Variants in NAPA observed in about 807,000 individuals in gnomAD.
NAPA encodes the protein NSF attachment protein alpha, also known as alpha-soluble NSF attachment protein.
In NAPA, 18 loss-of-function variants were observed where a neutral mutation model predicts 48.0. The observed-to-expected ratio is 0.38, with a 90% CI of 0.26 to 0.56. The LOEUF is 0.56. NAPA is among the 20% of genes least tolerant of loss of function. The pLI, the probability that NAPA is intolerant of heterozygous loss-of-function variation, is 0.77. For synonymous variants in NAPA, 152 were observed against 149.9 expected (o/e 1.01, Z -0.10); for missense variants, 315 against 385.0 (o/e 0.82, Z 1.52).
In NAPA at chr19:47,493,247, C is replaced by A; in HGVS notation, c.421-73G>T. ...AGGAGGCCTCCGTGAAGCTTCCACA[C>A]CCTCCGCCCTGCCTGCCTGGGACAC... On this transcript the variant is annotated intron_variant, in intron 5 of 10. Coordinates refer to ENST00000263354, the MANE Select transcript of NAPA (RefSeq NM_003827.4). The surrounding 1 kb of genome is among the most constrained non-coding windows in gnomAD (Gnocchi z 6.4). The A allele has an allele frequency of 2.6e-6, 4 of 1,516,104 alleles. No homozygotes were observed. In the Middle Eastern group the frequency reaches 5.5e-4, roughly 207 times the overall value. The allele number at this position is 1,516,104 out of a possible 1,614,324, so 93.9% of individuals were successfully genotyped here. A position where few individuals can be genotyped will look rare whatever the true frequency, so the allele number is the denominator to read the frequency against.
rs1312627060 is a variant in NAPA, at chr19:47,493,813, C to T, written c.343-320G>A. On this transcript the variant is annotated intron_variant, in intron 4 of 10. Transcript: ENST00000263354. This position sits in a 1 kb window ranked among gnomAD's most constrained non-coding sequence, Gnocchi z 6.4. Reference sequence around the variant, plus strand: ...AGAGAATGTGAGCACGAGCACTTGGCCAAGGCCCTGGCCCTTAGGAAGCCT... The same window carrying T: ...AGAGAATGTGAGCACGAGCACTTGGTCAAGGCCCTGGCCCTTAGGAAGCCT... 6.6e-6 allele frequency among the ~76,000 whole-genome samples: 1 copy of T among 152,196 alleles called. No homozygotes were observed. The highest frequency in any genetic ancestry group is 6.5e-5 in the Admixed American group (1 of 15,290).
Position 47,488,397 on chromosome 19 carries a change from C to G in NAPA, c.787-8G>C. 6.3e-7 allele frequency: 1 copy of G among 1,598,372 alleles called. No individual in the cohort carries two copies. Among genetic ancestry groups the G allele is most frequent in the Non-Finnish European group, 8.6e-7 (1 of 1,166,372 alleles). On this transcript the variant is annotated splice_region_variant and splice_polypyrimidine_tract_variant and intron_variant, in intron 10 of 10. Coordinates refer to ENST00000263354, the MANE Select transcript of NAPA (RefSeq NM_003827.4). ...GGAGTCGTATTCCTTCACCTGAGGGCACACCAGGTGATAGGCTGGCCATGC... is the reference window on the plus strand; with the variant it reads ...GGAGTCGTATTCCTTCACCTGAGGGGACACCAGGTGATAGGCTGGCCATGC...
chr19:47,484,854 C>T (rs999120232), downstream of NAPA, among the ~76,000 whole-genome samples: 3 of 151,972 alleles, frequency 2.0e-5, no homozygotes, highest in Admixed American at 6.6e-5. Context: ...CAGGCGCCAC[C>T]ACACCTGGCT....
chr19:47,500,719 TGTGCAGCCTGGCA>T lies in NAPA; in HGVS notation c.196_208del (p.Cys66SerfsTer35). On this transcript the variant is annotated frameshift_variant, in exon 3 of 11. Coordinates refer to ENST00000263354, the MANE Select transcript of NAPA (RefSeq NM_003827.4). LOFTEE classifies it high-confidence loss of function. ...CTTGCTCTGGAGCTGCAGGTGCAGC[TGTGCAGCCTGGCA>T]GAACGCGTTTCCAGCAGCTGGAACA... The T allele has an allele frequency of 6.2e-7, 1 of 1,609,416 alleles. No homozygotes were observed. Among genetic ancestry groups the T allele is most frequent in the Non-Finnish European group, 8.5e-7 (1 of 1,177,804 alleles).
intron 1 of NAPA, among the ~76,000 whole-genome samples, chr19:47,507,446 C>G (rs1183216324): frequency 6.6e-6 from 1 of 152,178 alleles, no homozygotes; most frequent in African/African-American, 2.4e-5. Flanking sequence ...ATACACCATG[C>G]CCTGAGACCC....
At position 47,488,210 on chromosome 19, in the gene NAPA, GCTCTCCAGCAAGTCTCGGCCCCAC is replaced by G; in HGVS notation, c.*54_*77del. The G allele has an allele frequency of 7.3e-7, 1 of 1,363,964 alleles. No individual in the cohort carries two copies. Among genetic ancestry groups the G allele is most frequent in the East Asian group, 2.4e-5 (1 of 42,264 alleles). 84.5% of individuals were successfully genotyped at this position (1,363,964 alleles called of 1,614,324 possible). On this transcript the variant is annotated 3_prime_UTR_variant, in exon 11 of 11. Coordinates refer to ENST00000263354, the MANE Select transcript of NAPA (RefSeq NM_003827.4). ...ACTCCCCAGATGGGAAAGGAGGGAA[GCTCTCCAGCAAGTCTCGGCCCCAC>G]CTCTCTCTGAGCAGATGGGACAGGA... is the stretch of plus-strand genomic sequence containing the variant.
intron 1 of NAPA, among the ~76,000 whole-genome samples, chr19:47,504,321 G>A (rs1968647636): frequency 6.6e-6 from 1 of 151,238 alleles, no homozygotes; most frequent in Non-Finnish European, 1.5e-5. Context: ...CTTGAGCCTG[G>A]GAGGCAGAGG....
At chr19:47,500,001 A>G (rs933820402) in intron 3 of NAPA, among the ~76,000 whole-genome samples, 2 of 152,246 alleles carry the variant, frequency 1.3e-5, no homozygotes, top group African/African-American at 4.8e-5. Context: ...TTCCCGCCAC[A>G]TGCAAGCAAA....
At chr19:47,499,823 C>A (rs764445869) in intron 3 of NAPA, among the ~76,000 whole-genome samples, 1 of 152,232 alleles carries the variant, frequency 6.6e-6, no homozygotes, top group African/African-American at 2.4e-5. Context: ...TTGGGAAGGA[C>A]AGGCTTTTAT....
Position 47,493,212 on chromosome 19 carries a change from GGGAA to G in NAPA, c.421-42_421-39del, listed in dbSNP as rs1291695148. The G allele has an allele frequency of 1.3e-6, 2 of 1,561,496 alleles. No homozygotes were observed. Among genetic ancestry groups the G allele is most frequent in the East Asian group, 4.5e-5 (2 of 44,378 alleles). On this transcript the variant is annotated intron_variant, in intron 5 of 10. Transcript: ENST00000263354. This position sits in a 1 kb window ranked among gnomAD's most constrained non-coding sequence, Gnocchi z 6.4. ...GGGGGATGGGTTCCAGGGGAGGGCA[GGGAA>G]GGGAGAGGAGGCCTCCGTGAAGCTT...
intron 1 of NAPA, among the ~76,000 whole-genome samples, chr19:47,512,167 G>A (rs1968816420): frequency 6.6e-6 from 1 of 152,048 alleles, no homozygotes; most frequent in African/African-American, 2.4e-5. Context: ...CAGGGTTGGG[G>A]CCTCTCCCCC....
chr19:47,505,560 T>G (rs1219595934), intron 1 of NAPA: 1 of 152,208 alleles, frequency 6.6e-6, no homozygotes, highest in Admixed American at 6.5e-5. Context: ...ATGAGATTTT[T>G]AACAATTGGG....
Position 47,493,548 on chromosome 19 carries a change from C to T in NAPA, c.343-55G>A. ...CGACTCATGACCTCCTGCGTGCCTGCCTGCTGACCTATGACCCTTCAAGTT... is the reference window on the plus strand; with the variant it reads ...CGACTCATGACCTCCTGCGTGCCTGTCTGCTGACCTATGACCCTTCAAGTT... On this transcript the variant is annotated intron_variant, in intron 4 of 10. Transcript: ENST00000263354. The surrounding 1 kb of genome is among the most constrained non-coding windows in gnomAD (Gnocchi z 6.4). 1 of 1,514,218 alleles carries T rather than the reference C, an allele frequency of 6.6e-7. No homozygotes were observed. Among genetic ancestry groups the T allele is most frequent in the Non-Finnish European group, 9.2e-7 (1 of 1,092,402 alleles). The allele number at this position is 1,514,218 out of a possible 1,614,324, so 93.8% of individuals were successfully genotyped here.
At chr19:47,498,884 G>A (rs1015848303) in intron 3 of NAPA, among the ~76,000 whole-genome samples, 3 of 152,126 alleles carry the variant, frequency 2.0e-5, no homozygotes, top group Non-Finnish European at 4.4e-5. Flanking sequence ...CCAGGGCTCT[G>A]GACACGGCAC....
chr19:47,490,922 A>G (rs1323147716), intron 8 of NAPA, 66 bp from the exon 9 acceptor site: 1 of 1,421,286 alleles, frequency 7.0e-7, no homozygotes, highest in East Asian at 2.3e-5. Context: ...CTGGCCTAGC[A>G]GCTGAGGGGA....
Position 47,493,068 on chromosome 19 carries a change from G to A in NAPA, c.477-23C>T, listed in dbSNP as rs748374438. 18 of 1,613,996 alleles carry A rather than the reference G, an allele frequency of 1.1e-5. No individual in the cohort carries two copies. In the Admixed American group the frequency reaches 2.8e-4, roughly 25 times the overall value. On this transcript the variant is annotated intron_variant, in intron 6 of 10. Transcript: ENST00000263354. The surrounding 1 kb of genome is among the most constrained non-coding windows in gnomAD (Gnocchi z 6.4). ...GAGCTGTGTGGGGAGGAGTAGTGAG[G>A]GGAAGTGGTGGCGGTCCCTGCGGGG...
chr19:47,497,099 C>A, intron 3 of NAPA: 1 of 271,788 alleles, frequency 3.7e-6, no homozygotes, highest in Admixed American at 4.5e-5. Context: ...AACGGCTAAG[C>A]CGGGCCACGC....
chr19:47,507,568 A>G lies in NAPA; in HGVS notation c.99-4066T>C, dbSNP rs1317932816. ...TTGCCTCTGTGGAAGCCACAGCCAC[A>G]GGCCTACGGTTTCCTCCTCAGACTT... On this transcript the variant is annotated intron_variant, in intron 1 of 10. Coordinates refer to ENST00000263354, the MANE Select transcript of NAPA (RefSeq NM_003827.4). Among the ~76,000 whole-genome samples the G allele has an allele frequency of 3.3e-5, 5 of 152,296 alleles. No homozygotes were observed. In the East Asian group the frequency reaches 7.7e-4, roughly 24 times the overall value.
chr19:47,494,758 AGAGAGAG>A (rs1312490030), intron 4 of NAPA, among the ~76,000 whole-genome samples: 6 of 124,140 alleles, frequency 4.8e-5, no homozygotes, highest in African/African-American at 1.7e-4. Flanking sequence ...AAAAAAAAAA[AGAGAGAG>A]AGAGAAAGCA....
Sources: allele counts gnomAD v4.1 joint callset (sites outside exome capture counted in the v4.1 genomes callset), GRCh38; gene constraint gnomAD v4.1.1; non-coding constraint Gnocchi (gnomAD v3.1); transcripts MANE v1.5; gene names NCBI Gene and HGNC (gene_info 2026-07-23, HGNC 2026-07-21).